TSPAN14: variants seen among roughly 807,000 people sequenced by gnomAD.
The protein encoded by TSPAN14 is tetraspanin-14.
TSPAN14 carries 16 observed loss-of-function variants against 36.6 expected under a neutral mutation model. That is an observed-to-expected ratio of 0.44 (90% CI 0.30 to 0.66). The LOEUF (loss-of-function observed/expected upper bound fraction) is 0.66. Among genes scored for constraint, TSPAN14 ranks in the 30% least tolerant of loss-of-function variants. The pLI, the probability that TSPAN14 is intolerant of heterozygous loss-of-function variation, is 0.12. For synonymous variants in TSPAN14, 139 were observed against 143.8 expected (o/e 0.97, Z 0.24); for missense variants, 231 against 355.1 (o/e 0.65, Z 2.81).
chr10:80,492,498 A>G (rs978346025), intron 2 of TSPAN14, among the ~76,000 whole-genome samples: 2 of 152,150 alleles, frequency 1.3e-5, no homozygotes, highest in Non-Finnish European at 2.9e-5. Flanking sequence ...ATGAGGTTTT[A>G]TTTAGTAGTT....
intron 1 of TSPAN14, chr10:80,468,743 A>G (rs1037281147): frequency 1.5e-5 from 2 of 136,180 alleles, no homozygotes; most frequent in Non-Finnish European, 3.1e-5. Flanking sequence ...TTTTTGTGAG[A>G]TAGGGTCTGA....
chr10:80,473,799 G>A (rs757944639), intron 1 of TSPAN14, among the ~76,000 whole-genome samples: 8 of 151,366 alleles, frequency 5.3e-5, no homozygotes, highest in Admixed American at 2.0e-4. Flanking sequence ...TGGATTTGGC[G>A]TTTGGGTTAA....
At chr10:80,520,326 A>G (rs113571676) in exon 9 of TSPAN14, 193 of 333,036 alleles carry the variant, frequency 5.8e-4, no homozygotes, top group African/African-American at 3.6e-3. Flanking sequence ...CAGCCATATC[A>G]TGTGACTCTG....
chr10:80,502,615 G>T (rs192626151), intron 2 of TSPAN14, among the ~76,000 whole-genome samples: 16 of 152,222 alleles, frequency 1.1e-4, no homozygotes, highest in Non-Finnish European at 1.2e-4. Context: ...CTGGGTGGAC[G>T]GTGGTGCCAC....
intron 1 of TSPAN14, among the ~76,000 whole-genome samples, chr10:80,475,301 T>A (rs1243566952): frequency 6.6e-6 from 1 of 152,218 alleles, no homozygotes; most frequent in East Asian, 1.9e-4. Context: ...GCATGATGGC[T>A]TATGCCTATA....
chr10:80,518,199 A>C (rs2132072683), exon 9 of TSPAN14: 1 of 579,854 alleles, frequency 1.7e-6, no homozygotes, highest in Non-Finnish European at 3.1e-6. Flanking sequence ...TCTGGAGTCT[A>C]CCCAGAGACA....
exon 4 of TSPAN14, chr10:80,507,336 G>T (rs1287804170): frequency 2.5e-6 from 4 of 1,614,230 alleles, no homozygotes; most frequent in Middle Eastern, 1.6e-4. Flanking sequence ...CGCCGGCTGC[G>T]TGGGGGCTCT....
rs190663537 is a variant in TSPAN14 at position 80,475,667 on chromosome 10, A to G, written c.-17-13550A>G. On this transcript the variant is annotated intron_variant, in intron 1 of 8. Coordinates refer to ENST00000429989, the Ensembl canonical transcript of TSPAN14. ...CAGTGGCGCGATCTTGGCTCACTGC[A>G]ACTTCCGCCTCCTGGGTTCAAGCAG... Among the ~76,000 whole-genome samples, 137 of 152,154 alleles carry G rather than the reference A, an allele frequency of 9.0e-4. 2 individuals carry two copies. The highest frequency in any genetic ancestry group is 1.7e-3 in the Non-Finnish European group (116 of 67,984).
At chr10:80,514,657 C>T (rs910940891) in intron 7 of TSPAN14, among the ~76,000 whole-genome samples, 1 of 152,196 alleles carries the variant, frequency 6.6e-6, no homozygotes, top group Non-Finnish European at 1.5e-5. Context: ...GAGACCCCAC[C>T]TGTTAGCCGT....
At chr10:80,492,010 G>A (rs1055800967) in intron 2 of TSPAN14, among the ~76,000 whole-genome samples, 1 of 152,114 alleles carries the variant, frequency 6.6e-6, no homozygotes, top group African/African-American at 2.4e-5. Context: ...GGAAGCTCAC[G>A]GTGTAGCAGG....
In TSPAN14 at chr10:80,467,278, T is replaced by A. The variant is rs1350560944; in HGVS notation, c.-18+12907T>A. ...TTTTCAGGTTTCTCTGGGGTCCTCG[T>A]GGCCAAGAGGGTCTGTTTAGTTGGT... is the stretch of plus-strand genomic sequence containing the variant. On this transcript the variant is annotated intron_variant, in intron 1 of 8. Transcript: ENST00000429989. 4.6e-5 allele frequency among the ~76,000 whole-genome samples: 7 copies of A among 152,210 alleles called. No homozygotes were observed. The East Asian group carries it at 1.2e-3, about 25-fold the overall frequency.
chr10:80,461,488 A>AG (rs1421146362), intron 1 of TSPAN14, among the ~76,000 whole-genome samples: 1 of 152,014 alleles, frequency 6.6e-6, no homozygotes, highest in Non-Finnish European at 1.5e-5. Flanking sequence ...TAGGTTTTTG[A>AG]GGGGGGCATG....
chr10:80,510,646 G>A (rs1354935880), intron 5 of TSPAN14, among the ~76,000 whole-genome samples: 4 of 152,118 alleles, frequency 2.6e-5, no homozygotes, highest in Non-Finnish European at 4.4e-5. Flanking sequence ...AGGCTGAGGC[G>A]GGTGGATCAC....
At position 80,509,245 on chromosome 10, in the gene TSPAN14, G is replaced by A. The variant is rs112485868; in HGVS notation, c.280-56G>A. ...TTCTGGGTCAGGTGGGGTTATGTGT[G>A]TGGGGGTGCAGGCTGGTGGGGTGGT... is the stretch of plus-strand genomic sequence containing the variant. On this transcript the variant is annotated intron_variant, in intron 4 of 8. Transcript: ENST00000429989. This position sits in a 1 kb window ranked among gnomAD's most constrained non-coding sequence, Gnocchi z 4.7. 1.8e-5 allele frequency: 28 copies of A among 1,572,910 alleles called. No homozygotes were observed. In the African/African-American group the frequency reaches 2.8e-4, roughly 16 times the overall value.
intron 2 of TSPAN14, among the ~76,000 whole-genome samples, chr10:80,498,256 T>G (rs763320129): frequency 1.1e-4 from 17 of 152,322 alleles, no homozygotes; most frequent in Non-Finnish European, 2.5e-4. Flanking sequence ...ACCAGGACCC[T>G]GGGGTTTCCG....
At chr10:80,500,634 A>C (rs1316270910) in intron 2 of TSPAN14, among the ~76,000 whole-genome samples, 1 of 152,110 alleles carries the variant, frequency 6.6e-6, no homozygotes, top group Non-Finnish European at 1.5e-5. Flanking sequence ...TTCAGGCATG[A>C]GCTACCACGC....
At position 80,516,306 on chromosome 10, in the gene TSPAN14, G is replaced by A. The variant is rs746320441; in HGVS notation, c.724G>A (p.Ala242Thr). ...TTACATTGTGGCTGGCGTCTTCATC[G>A]CCATCTCGCTGTTGCAGGTGTGTCC... The change falls in exon 8 of 9, where the codon GCC (alanine) becomes ACC (threonine). Residue 242 changes from alanine (A) to threonine (T), a missense_variant. Physicochemically the swap from Ala to Thr is moderately conservative, Grantham distance 58. Transcript: ENST00000429989. The A allele has an allele frequency of 1.3e-5, 21 of 1,614,210 alleles. No homozygotes were observed. The East Asian group carries it at 2.7e-4, about 21-fold the overall frequency.
chr10:80,469,516 C>A (rs1464293690), intron 1 of TSPAN14, among the ~76,000 whole-genome samples: 1 of 152,096 alleles, frequency 6.6e-6, no homozygotes, highest in Non-Finnish European at 1.5e-5. Flanking sequence ...GGGAATGAGA[C>A]CCTGACTCTC....
chr10:80,500,945 T>C (rs921403715), intron 2 of TSPAN14, among the ~76,000 whole-genome samples: 5 of 152,212 alleles, frequency 3.3e-5, no homozygotes, highest in Non-Finnish European at 7.3e-5. Flanking sequence ...AGGGTCTTTT[T>C]TGAGAACTTG....
Sources: allele counts gnomAD v4.1 joint callset (sites outside exome capture counted in the v4.1 genomes callset), GRCh38; gene constraint gnomAD v4.1.1; non-coding constraint Gnocchi (gnomAD v3.1); transcripts MANE v1.5; gene names NCBI Gene and HGNC (gene_info 2026-07-23, HGNC 2026-07-21).